The following GRIP1 variants were observed in gnomAD, a reference collection of about 807,000 sequenced individuals.
The protein encoded by GRIP1 is glutamate receptor interacting protein 1.
In GRIP1, 45 loss-of-function variants were observed where a neutral mutation model predicts 129.9. The observed-to-expected ratio is 0.35, with a 90% confidence interval of 0.27 to 0.44. The LOEUF is 0.44. Among genes scored for constraint, GRIP1 ranks in the 20% least tolerant of loss-of-function variants. The pLI, the probability that GRIP1 is intolerant of heterozygous loss-of-function variation, is 1.00. For synonymous variants in GRIP1, 530 were observed against 520.8 expected (o/e 1.02, Z -0.24); for missense variants, 1,196 against 1,396.8 (o/e 0.86, Z 2.29).
intron 15 of GRIP1, among the ~76,000 whole-genome samples, chr12:66,416,524 A>T (rs1347699216): frequency 6.6e-6 from 1 of 152,180 alleles, no homozygotes; most frequent in Non-Finnish European, 1.5e-5. Flanking sequence ...AATAACAAAA[A>T]TAAAAAAAGG....
At chr12:66,676,478 A>G (rs764974987) in intron 1 of GRIP1, among the ~76,000 whole-genome samples, 60 of 152,162 alleles carry the variant, frequency 3.9e-4, no homozygotes, top group Non-Finnish European at 6.6e-4. Context: ...CAAGAGGCCT[A>G]ATAAAGCTCT....
At chr12:66,656,866 T>C (rs1340720896) in intron 1 of GRIP1, among the ~76,000 whole-genome samples, 1 of 152,168 alleles carries the variant, frequency 6.6e-6, no homozygotes, top group South Asian at 2.1e-4. Flanking sequence ...AGAAAATGAA[T>C]TTTCTCTTTG....
At chr12:66,358,211 A>G (rs1361579808) in intron 23 of GRIP1, among the ~76,000 whole-genome samples, 1 of 152,042 alleles carries the variant, frequency 6.6e-6, no homozygotes, top group Non-Finnish European at 1.5e-5. Context: ...ACGCATTTCA[A>G]TCAGTTGCAT....
At chr12:66,836,588 ACT>A (rs1204967250) in intron 1 of GRIP1, among the ~76,000 whole-genome samples, 1 of 152,128 alleles carries the variant, frequency 6.6e-6, no homozygotes, top group African/African-American at 2.4e-5. Context: ...TCTGCCTGTG[ACT>A]CTCTAGGCTT....
intron 1 of GRIP1, among the ~76,000 whole-genome samples, chr12:66,921,845 T>G (rs1433295680): frequency 6.6e-6 from 1 of 152,238 alleles, no homozygotes; most frequent in Non-Finnish European, 1.5e-5. Flanking sequence ...TTACATGACT[T>G]TATGAATTCA....
In GRIP1 at chr12:66,825,439, T is replaced by G. The variant is rs191826592; in HGVS notation, c.59-228512A>C. ...TGCCTTCTCACCAGGGAAAGTAGTTTGATATAGATATGCCTTCATCTTATC... is the reference window on the plus strand; with the variant it reads ...TGCCTTCTCACCAGGGAAAGTAGTTGGATATAGATATGCCTTCATCTTATC... On this transcript the variant is annotated intron_variant, in intron 1 of 1. Transcript: ENST00000643019. 7.3e-5 allele frequency among the ~76,000 whole-genome samples: 11 copies of G among 150,958 alleles called. 1 individual carries two copies. Among genetic ancestry groups the G allele is most frequent in the African/African-American group, 2.4e-4 (10 of 41,280 alleles).
At chr12:67,031,984 T>TTG (rs1399999177) in intron 1 of GRIP1, among the ~76,000 whole-genome samples, 1 of 152,160 alleles carries the variant, frequency 6.6e-6, no homozygotes, top group Non-Finnish European at 1.5e-5. Flanking sequence ...TCCCTTTGTT[T>TTG]TGTATGCCCT....
chr12:66,885,807 T>G (rs771800277), intron 1 of GRIP1, among the ~76,000 whole-genome samples: 7 of 151,876 alleles, frequency 4.6e-5, no homozygotes, highest in African/African-American at 7.3e-5. Flanking sequence ...GAAAGAAGAG[T>G]GAGTCAGCCT....
In GRIP1 at chr12:66,741,379, AAAC is replaced by A. The variant is rs1053837567; in HGVS notation, c.-420+62671_-420+62673del. ...AAAAATAAACTTTCCAAAACAGATA[AAAC>A]AACTACCTAAAAAGAAATTAACCAA... On this transcript the variant is annotated intron_variant, in intron 1 of 4. Transcript: ENST00000538373. 1.5e-4 allele frequency among the ~76,000 whole-genome samples: 23 copies of A among 152,182 alleles called. 1 individual carries two copies. The highest frequency in any genetic ancestry group is 1.5e-5 in the Non-Finnish European group (1 of 68,030).
intron 1 of GRIP1, among the ~76,000 whole-genome samples, chr12:66,977,807 ATTTTTTTTTTT>A (rs200381983): frequency 0.074 from 4,444 of 60,436 alleles, 127 homozygotes; most frequent in Middle Eastern, 0.13. Context: ...AGAGCTGAGC[ATTTTTTTTTTT>A]TTTTTTTTTT....
chr12:66,406,836 T>C (rs2057209589), intron 15 of GRIP1, among the ~76,000 whole-genome samples: 1 of 152,134 alleles, frequency 6.6e-6, no homozygotes, highest in African/African-American at 2.4e-5. Context: ...GAAGGCAAGG[T>C]GTAATAGAGT....
chr12:66,486,917 A>T (rs2059971049), intron 7 of GRIP1, among the ~76,000 whole-genome samples: 3 of 152,000 alleles, frequency 2.0e-5, no homozygotes, highest in Admixed American at 2.0e-4. Context: ...CAGCCTACCG[A>T]GTAGCTGGTA....
At chr12:66,581,244 C>T (rs1318751012) in intron 2 of GRIP1, among the ~76,000 whole-genome samples, 1 of 152,054 alleles carries the variant, frequency 6.6e-6, no homozygotes, top group East Asian at 1.9e-4. Context: ...CTCTGGGACA[C>T]ATTCAAAGCA....
intron 1 of GRIP1, among the ~76,000 whole-genome samples, chr12:66,841,051 A>G (rs1254835051): frequency 6.6e-6 from 1 of 152,230 alleles, no homozygotes; most frequent in Non-Finnish European, 1.5e-5. Flanking sequence ...TTCCATTAAA[A>G]AATTATTTGT....
intron 1 of GRIP1, among the ~76,000 whole-genome samples, chr12:67,029,114 A>T (rs1476015181): frequency 1.3e-5 from 2 of 152,084 alleles, no homozygotes; most frequent in African/African-American, 4.8e-5. Flanking sequence ...AAAAAAAATA[A>T]ATTAAAAAAA....
intron 1 of GRIP1, among the ~76,000 whole-genome samples, chr12:66,697,652 A>C (rs998636393): frequency 1.1e-4 from 17 of 152,292 alleles, no homozygotes; most frequent in African/African-American, 4.1e-4. Flanking sequence ...AACTGGCTGC[A>C]CTGAGCTGAG....
intron 23 of GRIP1, among the ~76,000 whole-genome samples, chr12:66,370,498 G>C (rs2055425611): frequency 6.6e-6 from 1 of 152,102 alleles, no homozygotes. Context: ...AGGTGGCTAG[G>C]GAAATTGAGG....
chr12:66,517,996 G>C lies in GRIP1; in HGVS notation c.503-20C>G, dbSNP rs1397939655. 2 of 1,392,342 alleles carry C rather than the reference G, an allele frequency of 1.4e-6. No individual in the cohort carries two copies. The highest frequency in any genetic ancestry group is 2.0e-6 in the Non-Finnish European group (2 of 977,776). The allele number at this position is 1,392,342 out of a possible 1,614,324, so 86.2% of individuals were successfully genotyped here. ...CTCCCCCTAGCAAAGAAAAGGAACA[G>C]AGCTTAAAACTGCTTTCATTGTTGG... On this transcript the variant is annotated intron_variant, in intron 5 of 24. Transcript: ENST00000359742.
chr12:66,831,237 G>C (rs1351281089), intron 1 of GRIP1, among the ~76,000 whole-genome samples: 1 of 152,108 alleles, frequency 6.6e-6, no homozygotes, highest in Admixed American at 6.6e-5. Flanking sequence ...ATGTAGAAAT[G>C]CACAATAAGC....
Sources: allele counts gnomAD v4.1 joint callset (sites outside exome capture counted in the v4.1 genomes callset), GRCh38; gene constraint gnomAD v4.1.1; transcripts MANE v1.5; gene names NCBI Gene and HGNC (gene_info 2026-07-23, HGNC 2026-07-21).